The following CHRNA4 variants were observed in gnomAD, a reference collection of about 807,000 sequenced individuals.
CHRNA4 encodes neuronal acetylcholine receptor subunit alpha-4.
Under a neutral mutation model 48.9 loss-of-function variants are expected in CHRNA4, and 28 were observed. The observed-to-expected ratio is 0.57, with a 90% CI of 0.42 to 0.79. The LOEUF (loss-of-function observed/expected upper bound fraction) is 0.79. CHRNA4 is among the 30% of genes least tolerant of loss of function. The probability of loss-of-function intolerance (pLI) is 0.00; values close to 1 mark genes in which losing one functional copy is unlikely to be tolerated. For missense variants in CHRNA4, 859 were observed against 898.4 expected, an observed-to-expected ratio of 0.96 and a Z score of 0.56; for synonymous variants, 425 against 402.3, an observed-to-expected ratio of 1.06 and a Z score of -0.68.
At chr20:63,355,277 G>A (rs965762183) in intron 4 of CHRNA4, 14 of 350,494 alleles carry the variant, frequency 4.0e-5, no homozygotes, top group African/African-American at 8.6e-5. Flanking sequence ...CATCTGCCAC[G>A]GCCAATCCGT....
chr20:63,356,219 C>T lies in CHRNA4; in HGVS notation c.274-135G>A, dbSNP rs56148915. On this transcript the variant is annotated intron_variant, in intron 3 of 5. Transcript: ENST00000370263. ...TGAGGGGTGTGAGGGAGGGCAGGGG[C>T]GGGACAGGGCCAGGGTGGGGCAGCA... 9.5e-3 allele frequency: 3,286 copies of T among 345,574 alleles called. 61 individuals are homozygous for T. Among genetic ancestry groups the T allele is most frequent in the Middle Eastern group, 0.045 (59 of 1,322 alleles). The allele number at this position is 345,574 out of a possible 1,614,324, so 21.4% of individuals were successfully genotyped here. A position where few individuals can be genotyped will look rare whatever the true frequency, so the allele number is the denominator to read the frequency against.
intron 1 of CHRNA4, 138 bp from the exon 2 acceptor site, chr20:63,359,837 C>T (rs1001019053): frequency 7.9e-5 from 59 of 745,762 alleles, no homozygotes; most frequent in South Asian, 7.9e-4. Context: ...CCCTTCCCAC[C>T]CCAGGACCTG....
intron 5 of CHRNA4, 148 bp downstream of exon 5, chr20:63,349,505 G>T: frequency 9.5e-7 from 1 of 1,054,480 alleles, no homozygotes; most frequent in Non-Finnish European, 1.4e-6. Flanking sequence ...TTGGGAAGAG[G>T]CTGCTGCAGC....
At chr20:63,357,162 CA>C (rs149340541) in intron 2 of CHRNA4, among the ~76,000 whole-genome samples, 13 of 12,640 alleles carry the variant, frequency 1.0e-3, no homozygotes, top group South Asian at 2.4e-3. Flanking sequence ...CACGTCTCCA[CA>C]GGACCACATT....
chr20:63,356,305 C>G, intron 3 of CHRNA4, 66 bp downstream of exon 3: 3 of 1,004,130 alleles, frequency 3.0e-6, no homozygotes, highest in Non-Finnish European at 3.8e-6. Flanking sequence ...AGGGCCAGGA[C>G]AGGGCAGCAG....
At position 63,346,699 on chromosome 20, in the gene CHRNA4, G is replaced by A; in HGVS notation, c.*39C>T. ...CCGGCCGCATGGATGCTGGCCCCGT[G>A]CACGGCAGCCCCAGGCCACGCAGGC... On this transcript the variant is annotated 3_prime_UTR_variant, in exon 6 of 6. Coordinates refer to ENST00000370263, the MANE Select transcript of CHRNA4 (RefSeq NM_000744.7). The A allele has an allele frequency of 1.9e-6, 3 of 1,585,500 alleles. No homozygotes were observed. Among genetic ancestry groups the A allele is most frequent in the South Asian group, 1.1e-5 (1 of 89,286 alleles).
chr20:63,360,759 G>A (rs976823317), intron 1 of CHRNA4, among the ~76,000 whole-genome samples: 3 of 152,228 alleles, frequency 2.0e-5, no homozygotes, highest in African/African-American at 4.8e-5. Flanking sequence ...AATTTAGCTG[G>A]ATGGATGGGG....
In CHRNA4 at chr20:63,357,282, CTCCCCACAGGACCTCA is replaced by C. The variant is rs559068829; in HGVS notation, c.229-883_229-868del. Among the ~76,000 whole-genome samples, 56 of 151,390 alleles carry C rather than the reference CTCCCCACAGGACCTCA, an allele frequency of 3.7e-4. 1 individual carries two copies. In the South Asian group the frequency reaches 9.5e-3, roughly 26 times the overall value. On this transcript the variant is annotated intron_variant, in intron 2 of 5. Coordinates refer to ENST00000370263, the MANE Select transcript of CHRNA4 (RefSeq NM_000744.7). Reference sequence around the variant, plus strand: ...ACCATGTCTCCGTGCAGGGCCATATCTCCCCACAGGACCTCATCCCCTCAGGACCTCATCCCGTGTG... The same window carrying C: ...ACCATGTCTCCGTGCAGGGCCATATCTCCCCTCAGGACCTCATCCCGTGTG...
chr20:63,350,748 C>G lies in CHRNA4; in HGVS notation c.663G>C (p.Arg221Ser), dbSNP rs1174421657. 6.4e-7 allele frequency: 1 copy of G among 1,567,384 alleles called. No individual in the cohort carries two copies. Among genetic ancestry groups the G allele is most frequent in the Non-Finnish European group, 8.6e-7 (1 of 1,159,622 alleles). The change falls in exon 5 of 6, where the codon AGG (arginine) becomes AGC (serine). Residue 221 changes from arginine (R) to serine (S), a missense_variant. Around this residue, in one of 3 missense-constraint regions of CHRNA4, gnomAD observed 342 missense variants for 365.3 expected, o/e 0.94. Coordinates refer to ENST00000370263, the MANE Select transcript of CHRNA4 (RefSeq NM_000744.7). ...IVDAVGTYNTRKYECCAEIYP... is the reference protein window; with the variant it reads ...IVDAVGTYNTSKYECCAEIYP... ...AGATCTCGGCACAGCACTCGTACTT[C>G]CTGGTGTTGTAGGTGCCCACGGCAT...
Position 63,350,046 on chromosome 20 carries a change from G to T in CHRNA4, c.1365C>A (p.Thr455=). The change falls in exon 5 of 6, where the codon ACC becomes ACA. Residue 455 remains threonine, a synonymous_variant. Transcript: ENST00000370263. ...SPGPCRPPHG[T]QAPGLAKARS... is the part of the protein sequence containing the mutation. The stretch of plus-strand genomic sequence containing the variant: ...TGGCTTTGGCCAGCCCTGGTGCCTG[G>T]GTGCCGTGGGGCGGGCGGCAGGGTC... 6.6e-7 allele frequency: 1 copy of T among 1,512,842 alleles called. No homozygotes were observed. The allele number at this position is 1,512,842 out of a possible 1,614,324, so 93.7% of individuals were successfully genotyped here.
chr20:63,349,486 A>G (rs1282783533), intron 5 of CHRNA4, 167 bp downstream of exon 5: 2 of 903,742 alleles, frequency 2.2e-6, no homozygotes, highest in Non-Finnish European at 1.7e-6. Context: ...CTGCGGCCAC[A>G]TAGCAGGCTT....
Position 63,346,447 on chromosome 20 carries a change from G to C in CHRNA4, c.*291C>G. On this transcript the variant is annotated 3_prime_UTR_variant, in exon 6 of 6. Coordinates refer to ENST00000370263, the MANE Select transcript of CHRNA4 (RefSeq NM_000744.7). ...CTGCAGGGGAGCTCAGGAGACTCTT[G>C]AACTGGACTTAGCCCGAGTCCTGCA... 1 of 593,364 alleles carries C rather than the reference G, an allele frequency of 1.7e-6. No individual in the cohort carries two copies. The highest frequency in any genetic ancestry group is 3.2e-6 in the Non-Finnish European group (1 of 316,416). The allele number at this position is 593,364 out of a possible 1,614,324, so 36.8% of individuals were successfully genotyped here. A position where few individuals can be genotyped will look rare whatever the true frequency, so the allele number is the denominator to read the frequency against.
At chr20:63,351,650 G>A (rs1370942052) in intron 4 of CHRNA4, among the ~76,000 whole-genome samples, 1 of 152,246 alleles carries the variant, frequency 6.6e-6, no homozygotes, top group Admixed American at 6.5e-5. Context: ...GGGCCACAGA[G>A]GCAAGGACAG....
At position 63,343,867 on chromosome 20, in the gene CHRNA4, A is replaced by G. The variant is rs981105952; in HGVS notation, c.*2871T>C. On this transcript the variant is annotated 3_prime_UTR_variant, in exon 6 of 6. Coordinates refer to ENST00000370263, the MANE Select transcript of CHRNA4 (RefSeq NM_000744.7). Reference sequence around the variant, plus strand: ...AGACTTTGATAGGGGGTCGGGGGTCACAGCCCTGGCAAGGTGGGTTCTAGG... The same window carrying G: ...AGACTTTGATAGGGGGTCGGGGGTCGCAGCCCTGGCAAGGTGGGTTCTAGG... 1 of 454,190 alleles carries G rather than the reference A, an allele frequency of 2.2e-6. No homozygotes were observed. Among genetic ancestry groups the G allele is most frequent in the African/African-American group, 2.0e-5 (1 of 50,150 alleles). 28.1% of individuals were successfully genotyped at this position (454,190 alleles called of 1,614,324 possible).
chr20:63,361,028 T>C, intron 1 of CHRNA4, 62 bp downstream of exon 1: 1 of 1,299,044 alleles, frequency 7.7e-7, no homozygotes, highest in South Asian at 1.8e-5. Flanking sequence ...CCTCTGGCTC[T>C]GGGGGTCCCA....
At chr20:63,347,752 G>A (rs536898791) in intron 5 of CHRNA4, among the ~76,000 whole-genome samples, 73 of 152,338 alleles carry the variant, frequency 4.8e-4, no homozygotes, top group African/African-American at 1.7e-3. Flanking sequence ...GGGCCCGGCC[G>A]TGAGGGTGTC....
chr20:63,353,086 C>T (rs1436506166), intron 4 of CHRNA4, among the ~76,000 whole-genome samples: 1 of 152,222 alleles, frequency 6.6e-6, no homozygotes, highest in African/African-American at 2.4e-5. Flanking sequence ...ACCCTCTGTC[C>T]CCTCCACCCC....
chr20:63,346,866 G>A lies in CHRNA4; in HGVS notation c.1759-3C>T. The A allele has an allele frequency of 4.3e-6, 7 of 1,612,346 alleles. No individual in the cohort carries two copies. Among genetic ancestry groups the A allele is most frequent in the Non-Finnish European group, 5.9e-6 (7 of 1,179,584 alleles). On this transcript the variant is annotated splice_polypyrimidine_tract_variant and splice_region_variant and intron_variant, in intron 5 of 5. Transcript: ENST00000370263. ...ACGTACTTCCAGTCCTCCTTCACCT[G>A]CAAGCACAGACGCCGTCACTCCAGC...
At position 63,350,614 on chromosome 20, in the gene CHRNA4, T is replaced by C. The variant is rs2123472362; in HGVS notation, c.797A>G (p.Tyr266Cys). Residue 266 changes from tyrosine to cysteine, a missense_variant, in exon 5 of 6, where the codon TAC becomes TGC. By Grantham distance (194) the Tyr-to-Cys change is radical. Coordinates refer to ENST00000370263, the MANE Select transcript of CHRNA4 (RefSeq NM_000744.7). Reference protein sequence around the residue: ...LISCLTVLVFYLPSECGEKIT... With the variant: ...LISCLTVLVFCLPSECGEKIT... ...CTTCTCGCCACACTCGGAGGGCAGGTAGAAGACCAGCACGGTGAGGCAGGA... is the reference window on the plus strand; with the variant it reads ...CTTCTCGCCACACTCGGAGGGCAGGCAGAAGACCAGCACGGTGAGGCAGGA... 6.2e-7 allele frequency: 1 copy of C among 1,613,732 alleles called. No homozygotes were observed.
Sources: gnomAD v4.1 joint callset for allele counts (sites outside exome capture counted in the v4.1 genomes callset) on GRCh38, gnomAD v4.1.1 for gene constraint, gnomAD v4.1.1 regional missense constraint, MANE v1.5 for transcripts, NCBI Gene and HGNC (gene_info 2026-07-23, HGNC 2026-07-21) for gene names.